EPS15L1: variants seen among roughly 807,000 people sequenced by gnomAD.
EPS15L1 encodes epidermal growth factor receptor pathway substrate 15 like 1.
Under a neutral mutation model 117.1 loss-of-function variants are expected in EPS15L1, and 43 were observed. The ratio of observed to expected loss-of-function variants is 0.37; its 90% CI spans 0.29 to 0.47. The LOEUF (loss-of-function observed/expected upper bound fraction) is 0.47, where lower values mean the gene tolerates loss of function less well. Ranked by LOEUF, EPS15L1 falls within the 20% of genes least tolerant of loss-of-function variation. The pLI is 0.99. For synonymous variants in EPS15L1, 459 were observed against 470.5 expected (o/e 0.98, Z 0.32); for missense variants, 981 against 1,164.0 (o/e 0.84, Z 2.29).
At chr19:16,449,179 C>G (rs1231018844) in intron 1 of EPS15L1, among the ~76,000 whole-genome samples, 1 of 151,832 alleles carries the variant, frequency 6.6e-6, no homozygotes, top group South Asian at 2.1e-4. Flanking sequence ...GAAGCCAAAG[C>G]AGGAGGATTG....
intron 4 of EPS15L1, among the ~76,000 whole-genome samples, chr19:16,439,978 G>T (rs1428739976): frequency 7.6e-6 from 1 of 130,726 alleles, no homozygotes; most frequent in Admixed American, 8.5e-5. Context: ...TAAGGCATGA[G>T]AATCTTGTGA....
At chr19:16,453,706 C>A (rs2093168148) in intron 1 of EPS15L1, among the ~76,000 whole-genome samples, 1 of 151,406 alleles carries the variant, frequency 6.6e-6, no homozygotes, top group African/African-American at 2.4e-5. Context: ...GAGCGAGACT[C>A]CATCTCAAAA....
intron 19 of EPS15L1, among the ~76,000 whole-genome samples, chr19:16,391,622 CTT>C (rs57277477): frequency 3.6e-4 from 47 of 131,572 alleles, no homozygotes; most frequent in Admixed American, 4.6e-4. Context: ...ACCGAGGCTG[CTT>C]TTTTTTTTTT....
At chr19:16,362,260 T>C (rs1318081770) in intron 22 of EPS15L1, among the ~76,000 whole-genome samples, 2 of 152,038 alleles carry the variant, frequency 1.3e-5, no homozygotes, top group Admixed American at 6.6e-5. Flanking sequence ...TGTCCTAGAA[T>C]AGTTTGCATG....
In EPS15L1 at chr19:16,428,723, C is replaced by T; in HGVS notation, c.537G>A (p.Leu179=). The T allele has an allele frequency of 6.2e-7, 1 of 1,611,698 alleles. No individual in the cohort carries two copies. The highest frequency in any genetic ancestry group is 8.5e-7 in the Non-Finnish European group (1 of 1,179,276). The part of the protein sequence containing the change: ...DLSDIDKDGH[L]DRDEFAVAMH... Reference sequence around the variant, plus strand: ...TTACCACAGCGAACTCATCTCGATCCAAGTGCCCATCCTTGTCAATGTCAC... The same window carrying T: ...TTACCACAGCGAACTCATCTCGATCTAAGTGCCCATCCTTGTCAATGTCAC... Residue 179 remains leucine, a synonymous_variant, in exon 8 of 24, where the codon TTG becomes TTA. Coordinates refer to ENST00000455140, the MANE Select transcript of EPS15L1 (RefSeq NM_001258374.3).
At chr19:16,399,697 T>TA (rs1428751864) in intron 16 of EPS15L1, among the ~76,000 whole-genome samples, 13 of 151,442 alleles carry the variant, frequency 8.6e-5, no homozygotes, top group Admixed American at 2.6e-4. Flanking sequence ...TTTTTTTTTT[T>TA]AGAGATTGAG....
At chr19:16,447,886 G>T (rs1190378494) in intron 1 of EPS15L1, among the ~76,000 whole-genome samples, 1 of 152,178 alleles carries the variant, frequency 6.6e-6, no homozygotes, top group East Asian at 1.9e-4. Flanking sequence ...TGGAGTATTG[G>T]CAGGGGGCGG....
In EPS15L1 at chr19:16,417,571, C is replaced by G; in HGVS notation, c.1174G>C (p.Glu392Gln). ...ACATACCTTTGTAACTGGGCAATCT[C>G]TTGACTGATGTCATCAAGCTCCTTC... ...GVKELDDISQ[E>Q]IAQLQREKYS... is the part of the protein sequence containing the mutation. The change falls in exon 12 of 24, where the codon GAG (glutamate) becomes CAG (glutamine). Residue 392 changes from glutamate (E) to glutamine (Q), a missense_variant. Glu to Gln is a conservative substitution (Grantham distance 29, BLOSUM62 2). Transcript: ENST00000455140. 6.2e-7 allele frequency: 1 copy of G among 1,614,052 alleles called. No individual in the cohort carries two copies. Among genetic ancestry groups the G allele is most frequent in the Non-Finnish European group, 8.5e-7 (1 of 1,179,992 alleles).
intron 7 of EPS15L1, 29 bp downstream of exon 7, chr19:16,434,336 C>A (rs201784509): frequency 2.0e-4 from 314 of 1,609,684 alleles, no homozygotes; most frequent in Non-Finnish European, 2.5e-4. Context: ...ACACTGAGTG[C>A]AGAAGAACCA....
At chr19:16,394,249 G>A (rs1441446197) in intron 17 of EPS15L1, among the ~76,000 whole-genome samples, 3 of 152,200 alleles carry the variant, frequency 2.0e-5, no homozygotes, top group Non-Finnish European at 4.4e-5. Context: ...ACTGCTGGCT[G>A]TCCCACACAG....
intron 1 of EPS15L1, among the ~76,000 whole-genome samples, chr19:16,461,961 G>A (rs1315251080): frequency 6.6e-6 from 1 of 152,184 alleles, no homozygotes; most frequent in East Asian, 1.9e-4. Context: ...GATATCACCA[G>A]CCTACTATGT....
intron 4 of EPS15L1, among the ~76,000 whole-genome samples, chr19:16,440,418 G>C (rs1041856833): frequency 6.6e-6 from 1 of 152,172 alleles, no homozygotes; most frequent in East Asian, 1.9e-4. Flanking sequence ...GGGCAACAGA[G>C]TGAGACTCCA....
intron 1 of EPS15L1, among the ~76,000 whole-genome samples, chr19:16,455,403 G>A (rs559238869): frequency 6.6e-6 from 1 of 152,192 alleles, no homozygotes; most frequent in Non-Finnish European, 1.5e-5. Context: ...TGGGATTACA[G>A]GCATGAGCAC....
At chr19:16,367,353 CA>C (rs1156373253) in intron 22 of EPS15L1, among the ~76,000 whole-genome samples, 1 of 151,768 alleles carries the variant, frequency 6.6e-6, no homozygotes, top group East Asian at 1.9e-4. Context: ...GCAAGGGATA[CA>C]AGACTGAAGA....
intron 19 of EPS15L1, 83 bp downstream of exon 19, chr19:16,392,221 G>A: frequency 2.6e-6 from 4 of 1,526,552 alleles, no homozygotes; most frequent in Non-Finnish European, 3.6e-6. Context: ...GCTCCACGAA[G>A]GGAAGGGGGC....
intron 12 of EPS15L1, among the ~76,000 whole-genome samples, chr19:16,415,633 G>A (rs1222464643): frequency 2.0e-5 from 3 of 152,188 alleles, no homozygotes; most frequent in East Asian, 3.8e-4. Flanking sequence ...CACACTCCCC[G>A]AATCAAGGGC....
intron 1 of EPS15L1, among the ~76,000 whole-genome samples, chr19:16,446,140 C>T (rs1394326079): frequency 6.6e-6 from 1 of 152,190 alleles, no homozygotes; most frequent in East Asian, 1.9e-4. Context: ...GCTCTGAAGG[C>T]TTTAAAACAC....
At chr19:16,396,877 A>G (rs1291593927) in intron 16 of EPS15L1, among the ~76,000 whole-genome samples, 1 of 152,056 alleles carries the variant, frequency 6.6e-6, no homozygotes, top group East Asian at 1.9e-4. Flanking sequence ...GTATGATTCC[A>G]CTTCTATGAG....
rs968250132 is a variant in EPS15L1, at chr19:16,356,317, C to CT, written c.2587-467dup. 1,277 of 150,000 alleles carry CT rather than the reference C, an allele frequency of 8.5e-3. 2 individuals are homozygous for CT. The highest frequency in any genetic ancestry group is 0.012 in the South Asian group (65 of 5,232). The allele number at this position is 150,000 out of a possible 1,614,324, so 9.3% of individuals were successfully genotyped here. On this transcript the variant is annotated intron_variant, in intron 23 of 23. Coordinates refer to ENST00000455140, the MANE Select transcript of EPS15L1 (RefSeq NM_001258374.3). ...TGAGGGTCATTTTCTTTTTCTTTTT[C>CT]TTTTTTTTTTTTTGAGATGGAGTCT...
Sources: allele counts gnomAD v4.1 joint callset (sites outside exome capture counted in the v4.1 genomes callset), GRCh38; gene constraint gnomAD v4.1.1; transcripts MANE v1.5; gene names NCBI Gene and HGNC (gene_info 2026-07-23, HGNC 2026-07-21).